The following EEA1 variants were observed in gnomAD, a reference collection of about 807,000 sequenced individuals.
EEA1 encodes the protein early endosome antigen 1, 162kD.
In EEA1, 111 loss-of-function variants were observed where a neutral mutation model predicts 209.2. The ratio of observed to expected loss-of-function variants is 0.53; its 90% confidence interval spans 0.45 to 0.62. The LOEUF (loss-of-function observed/expected upper bound fraction) is 0.62. Among genes scored for constraint, EEA1 ranks in the 20% least tolerant of loss-of-function variants. The pLI, the probability that EEA1 is intolerant of heterozygous loss-of-function variation, is 0.00. For synonymous variants in EEA1, 536 were observed against 540.6 expected (o/e 0.99, Z 0.12); for missense variants, 1,343 against 1,530.8 (o/e 0.88, Z 2.05).
At chr12:92,884,609 G>A in intron 2 of EEA1, 1 of 1,398,844 alleles carries the variant, frequency 7.1e-7, no homozygotes. Flanking sequence ...TGGCCCCTAT[G>A]GTGGTGGAGG....
chr12:92,908,612 A>C (rs548286283), intron 1 of EEA1, among the ~76,000 whole-genome samples: 15 of 92,670 alleles, frequency 1.6e-4, no homozygotes, highest in Middle Eastern at 6.4e-3. Context: ...GCCAAAAAAA[A>C]TTGCTAAAAA....
intron 14 of EEA1, among the ~76,000 whole-genome samples, chr12:92,817,196 C>T (rs1479631904): frequency 4.1e-5 from 6 of 147,918 alleles, no homozygotes; most frequent in African/African-American, 8.0e-5. Context: ...GTGTTTTTTT[C>T]CCCATCCTTT....
In EEA1 at chr12:92,857,299, T is replaced by C; in HGVS notation, c.342A>G (p.Glu114=). ...CTTGCTGCTGCAGCCCTTGATATTT[T>C]TCTAATTCCTTCTTTAATTCTTCCG... ...WYSEELKKEL[E]KYQGLQQQEA... The change falls in exon 5 of 29, where the codon GAA becomes GAG. Residue 114 remains glutamate (E), a synonymous_variant. Coordinates refer to ENST00000322349, the MANE Select transcript of EEA1 (RefSeq NM_003566.4). The C allele has an allele frequency of 6.3e-7, 1 of 1,590,808 alleles. No homozygotes were observed. The highest frequency in any genetic ancestry group is 8.5e-7 in the Non-Finnish European group (1 of 1,171,668).
rs111505918 is a variant in EEA1, at chr12:92,851,407, T to C, written c.643-141A>G. Reference sequence around the variant, plus strand: ...TTAGACTTCAAACATTGAACACTGATATCTTCTCCCACAATAAGCCACTTC... The same window carrying C: ...TTAGACTTCAAACATTGAACACTGACATCTTCTCCCACAATAAGCCACTTC... On this transcript the variant is annotated intron_variant, in intron 8 of 28. Transcript: ENST00000322349. 4.3e-4 allele frequency: 337 copies of C among 781,502 alleles called. No homozygotes were observed. The African/African-American group carries it at 5.2e-3, about 12-fold the overall frequency. The allele number at this position is 781,502 out of a possible 1,614,324, so 48.4% of individuals were successfully genotyped here. A position where few individuals can be genotyped will look rare whatever the true frequency, so the allele number is the denominator to read the frequency against.
At chr12:92,827,330 G>C (rs917971757) in intron 12 of EEA1, among the ~76,000 whole-genome samples, 1 of 151,756 alleles carries the variant, frequency 6.6e-6, no homozygotes, top group African/African-American at 2.4e-5. Flanking sequence ...CTCCAGCCAG[G>C]GTGACAGAGT....
Position 92,850,275 on chromosome 12 carries a change from G to A in EEA1, c.798+836C>T, listed in dbSNP as rs532347067. On this transcript the variant is annotated intron_variant, in intron 9 of 28. Coordinates refer to ENST00000322349, the MANE Select transcript of EEA1 (RefSeq NM_003566.4). Reference sequence around the variant, plus strand: ...AGACTTAGGAAGAAATATGCACACCGTACACCACCTAGCAAGGATTGTGGA... The same window carrying A: ...AGACTTAGGAAGAAATATGCACACCATACACCACCTAGCAAGGATTGTGGA... Among the ~76,000 whole-genome samples the A allele has an allele frequency of 1.2e-4, 18 of 152,268 alleles. No homozygotes were observed. In the East Asian group the frequency reaches 2.7e-3, roughly 23 times the overall value.
At position 92,799,048 on chromosome 12, in the gene EEA1, C is replaced by T. The variant is rs1443098934; in HGVS notation, c.2811G>A (p.Gln937=). Residue 937 remains glutamine (Q), a synonymous_variant, in exon 21 of 29, where the codon CAG becomes CAA. Transcript: ENST00000322349. The part of the protein sequence containing the change: ...HQLKLELNSM[Q]EQLIQAQNTL... ...TATTCTGGGCCTGTATAAGTTGTTC[C>T]TGCATTGAATTGAGTTCCAATTTCA... 3.7e-6 allele frequency: 6 copies of T among 1,603,678 alleles called. No individual in the cohort carries two copies. Among genetic ancestry groups the T allele is most frequent in the African/African-American group, 1.3e-5 (1 of 74,074 alleles).
At chr12:92,777,839 T>C in intron 26 of EEA1, 102 bp downstream of exon 26, 1 of 1,307,562 alleles carries the variant, frequency 7.6e-7, no homozygotes, top group Non-Finnish European at 1.1e-6. Context: ...TAGAGGCTTA[T>C]GCACTTTTCT....
In EEA1 at chr12:92,804,703, C is replaced by T. The variant is rs115635496; in HGVS notation, c.2340-1969G>A. ...AAAGGAAATCAGAAAATATATTAAA[C>T]TGCAGAGGAATGAAAATACATTGTA... On this transcript the variant is annotated intron_variant, in intron 18 of 28. Coordinates refer to ENST00000322349, the MANE Select transcript of EEA1 (RefSeq NM_003566.4). 5.7e-3 allele frequency among the ~76,000 whole-genome samples: 862 copies of T among 151,586 alleles called. 10 individuals are homozygous for T. The highest frequency in any genetic ancestry group is 0.02 in the African/African-American group (815 of 41,302).
chr12:92,921,880 A>AG (rs1279310497), intron 1 of EEA1, among the ~76,000 whole-genome samples: 4 of 146,150 alleles, frequency 2.7e-5, no homozygotes, highest in Non-Finnish European at 6.0e-5. Context: ...AAAAAAAAAA[A>AG]AAAAAAGAAA....
intron 21 of EEA1, among the ~76,000 whole-genome samples, chr12:92,796,172 T>A (rs1874645731): frequency 6.6e-6 from 1 of 152,118 alleles, no homozygotes; most frequent in African/African-American, 2.4e-5. Context: ...TGCTTTCTCA[T>A]TAAATTATAA....
At chr12:92,802,781 C>T in intron 18 of EEA1, 47 bp from the exon 19 acceptor site, 1 of 1,373,074 alleles carries the variant, frequency 7.3e-7, no homozygotes, top group Non-Finnish European at 9.7e-7. Context: ...TAATTTACCA[C>T]TTCTAATTTA....
At chr12:92,796,234 G>C in intron 21 of EEA1, among the ~76,000 whole-genome samples, 1 of 151,984 alleles carries the variant, frequency 6.6e-6, no homozygotes, top group East Asian at 1.9e-4. Flanking sequence ...TTCCACATTA[G>C]ATTTTGAGCA....
intron 1 of EEA1, among the ~76,000 whole-genome samples, chr12:92,895,928 G>C (rs1879862047): frequency 6.6e-6 from 1 of 151,762 alleles, no homozygotes; most frequent in African/African-American, 2.4e-5. Flanking sequence ...GAATCAGCAA[G>C]ACAACTAGAA....
chr12:92,810,251 T>C (rs577084725), intron 17 of EEA1, among the ~76,000 whole-genome samples: 177 of 152,268 alleles, frequency 1.2e-3, no homozygotes, highest in Non-Finnish European at 2.1e-3. Context: ...AAATTAATTA[T>C]ACATGTCTAT....
chr12:92,911,406 G>A (rs1880578553), intron 1 of EEA1, among the ~76,000 whole-genome samples: 1 of 152,180 alleles, frequency 6.6e-6, no homozygotes, highest in South Asian at 2.1e-4. Flanking sequence ...CATACTGTAA[G>A]ATTCCAATTA....
intron 9 of EEA1, among the ~76,000 whole-genome samples, chr12:92,850,385 C>T (rs1463814740): frequency 6.6e-6 from 1 of 152,092 alleles, no homozygotes; most frequent in Non-Finnish European, 1.5e-5. Flanking sequence ...AATTCAAAGT[C>T]CATCAATTAG....
intron 10 of EEA1, among the ~76,000 whole-genome samples, chr12:92,835,711 G>T (rs1876901744): frequency 6.6e-6 from 1 of 151,880 alleles, no homozygotes; most frequent in Non-Finnish European, 1.5e-5. Flanking sequence ...GCGCCCGGCT[G>T]ATAGTTTCAC....
chr12:92,894,549 T>C (rs902170979), intron 1 of EEA1, among the ~76,000 whole-genome samples: 6 of 152,260 alleles, frequency 3.9e-5, no homozygotes, highest in Admixed American at 1.3e-4. Flanking sequence ...TTGCTGAGAA[T>C]GTTTTAGTGA....
Sources: allele counts gnomAD v4.1 joint callset (sites outside exome capture counted in the v4.1 genomes callset), GRCh38; gene constraint gnomAD v4.1.1; transcripts MANE v1.5; gene names NCBI Gene and HGNC (gene_info 2026-07-23, HGNC 2026-07-21).